STARD7: variants seen among roughly 807,000 people sequenced by gnomAD.
STARD7 encodes StAR related lipid transfer domain containing 7, also known as stAR-related lipid transfer protein 7, mitochondrial.
A neutral mutation model predicts 45.3 loss-of-function variants in STARD7; 30 were observed. The observed-to-expected ratio is 0.66, with a 90% CI of 0.50 to 0.90. The LOEUF (loss-of-function observed/expected upper bound fraction) is 0.90. STARD7 is among the 40% of genes least tolerant of loss of function. The probability of loss-of-function intolerance (pLI) is 0.00; values close to 1 mark genes in which losing one functional copy is unlikely to be tolerated. For missense variants in STARD7, 495 were observed against 491.3 expected, an observed-to-expected ratio of 1.01 and a Z score of -0.07; for synonymous variants, 199 against 183.0, an observed-to-expected ratio of 1.09 and a Z score of -0.70.
chr2:96,191,724 A>G (rs1683128706), intron 6 of STARD7, among the ~76,000 whole-genome samples: 1 of 152,036 alleles, frequency 6.6e-6, no homozygotes, highest in Non-Finnish European at 1.5e-5. Context: ...ACTTGATGAG[A>G]ATAAGAAAAC....
At chr2:96,195,271 A>T in intron 2 of STARD7, 70 bp downstream of exon 2, 1 of 1,324,640 alleles carries the variant, frequency 7.5e-7, no homozygotes, top group Non-Finnish European at 1.1e-6. Context: ...AGTTTAGAGA[A>T]GTATGAAGAA....
intron 1 of STARD7, among the ~76,000 whole-genome samples, chr2:96,199,624 T>C (rs894150220): frequency 1.3e-5 from 2 of 152,228 alleles, no homozygotes; most frequent in Non-Finnish European, 1.5e-5. Flanking sequence ...TTTTATTTCT[T>C]CTTTCCAATC....
chr2:96,190,787 C>A (rs1241492129), intron 6 of STARD7, among the ~76,000 whole-genome samples: 1 of 152,098 alleles, frequency 6.6e-6, no homozygotes, highest in Non-Finnish European at 1.5e-5. Context: ...GGACTACAGG[C>A]ACATATCACC....
intron 1 of STARD7, among the ~76,000 whole-genome samples, chr2:96,205,287 A>G (rs1683371233): frequency 6.6e-6 from 1 of 152,244 alleles, no homozygotes. Context: ...GATGTTCTTA[A>G]GCACAAAAGA....
At position 96,208,538 on chromosome 2, in the gene STARD7, C is replaced by T. The variant is rs969487910; in HGVS notation, c.-104G>A. On this transcript the variant is annotated 5_prime_UTR_variant, in exon 1 of 8. Transcript: ENST00000337288. ...GTCCCCCTAAATGGCCGGCCACGAA[C>T]CCGTCTCACGGTCCCGCGGCCAGGA... The T allele has an allele frequency of 1.8e-5, 19 of 1,068,070 alleles. No homozygotes were observed. The African/African-American group carries it at 2.7e-4, about 15-fold the overall frequency. 66.2% of individuals were successfully genotyped at this position (1,068,070 alleles called of 1,614,324 possible).
At chr2:96,194,273 A>G (rs1209330279) in intron 3 of STARD7, among the ~76,000 whole-genome samples, 2 of 152,098 alleles carry the variant, frequency 1.3e-5, no homozygotes, top group African/African-American at 2.4e-5. Context: ...GGATCACTTG[A>G]GTCCAGGAAA....
In STARD7 at chr2:96,208,644, G is replaced by A. The variant is rs924918606; in HGVS notation, c.-210C>T. The A allele has an allele frequency of 2.1e-6, 1 of 470,274 alleles. No homozygotes were observed. The allele number at this position is 470,274 out of a possible 1,614,324, so 29.1% of individuals were successfully genotyped here. ...AGAGTCGGTCATGGCAGCAGACGCCGGGATGGCTCCGCGACTGCTACACCA... is the reference window on the plus strand; with the variant it reads ...AGAGTCGGTCATGGCAGCAGACGCCAGGATGGCTCCGCGACTGCTACACCA... On this transcript the variant is annotated 5_prime_UTR_variant, in exon 1 of 8. Coordinates refer to ENST00000337288, the MANE Select transcript of STARD7 (RefSeq NM_020151.4).
intron 6 of STARD7, chr2:96,188,266 C>CTTTTTT (rs138935587): frequency 1.1e-4 from 6 of 56,810 alleles, no homozygotes; most frequent in Admixed American, 3.3e-4. Context: ...CAGACCAAGA[C>CTTTTTT]TTTTTTTTTT....
intron 1 of STARD7, among the ~76,000 whole-genome samples, chr2:96,204,134 G>T (rs891873831): frequency 6.6e-6 from 1 of 151,770 alleles, no homozygotes; most frequent in African/African-American, 2.4e-5. Flanking sequence ...TGGCACCCCC[G>T]CTGTAGACCC....
intron 1 of STARD7, among the ~76,000 whole-genome samples, chr2:96,201,799 T>A (rs900662648): frequency 2.6e-5 from 4 of 152,040 alleles, no homozygotes; most frequent in African/African-American, 9.7e-5. Context: ...GTCTCAAAAA[T>A]ATATATATAT....
At chr2:96,198,113 T>C (rs2104194558) in intron 1 of STARD7, among the ~76,000 whole-genome samples, 1 of 152,106 alleles carries the variant, frequency 6.6e-6, no homozygotes, top group South Asian at 2.1e-4. Context: ...ACTCTGAGGT[T>C]GAGTTCGAGA....
chr2:96,199,481 C>A (rs188541753), intron 1 of STARD7, among the ~76,000 whole-genome samples: 1 of 152,282 alleles, frequency 6.6e-6, no homozygotes, highest in Admixed American at 6.5e-5. Context: ...TGTTAGTGTA[C>A]ATAAACATGA....
chr2:96,208,223 T>C lies in STARD7; in HGVS notation c.212A>G (p.His71Arg), dbSNP rs761430971. 3.1e-6 allele frequency: 5 copies of C among 1,612,550 alleles called. No individual in the cohort carries two copies. The highest frequency in any genetic ancestry group is 1.7e-5 in the Admixed American group (1 of 59,968). Residue 71 changes from histidine (H) to arginine (R), a missense_variant, in exon 1 of 8, where the codon CAT becomes CGT. His to Arg is a conservative substitution (Grantham distance 29). Transcript: ENST00000337288. Reference sequence around the variant, plus strand: ...TAACGCCGCCATCAAGGCAGAGGCATGGCCAGGACGGCCGTGCAGCCGGCG... The same window carrying C: ...TAACGCCGCCATCAAGGCAGAGGCACGGCCAGGACGGCCGTGCAGCCGGCG... ...LWRRLHGRPGHASALMAALAG... is the reference protein window; with the variant it reads ...LWRRLHGRPGRASALMAALAG...
chr2:96,194,036 G>C (rs773616509), intron 3 of STARD7, among the ~76,000 whole-genome samples: 1 of 152,194 alleles, frequency 6.6e-6, no homozygotes, highest in Non-Finnish European at 1.5e-5. Flanking sequence ...GAGGAAAGCA[G>C]TCTTTGAACA....
At chr2:96,193,440 A>G (rs1294241926) in intron 3 of STARD7, 88 bp from the exon 4 acceptor site, 1 of 844,540 alleles carries the variant, frequency 1.2e-6, no homozygotes, top group African/African-American at 1.7e-5. Context: ...CTCTGATCCA[A>G]GAATCTTATT....
At chr2:96,202,456 A>AT (rs1378317601) in intron 1 of STARD7, among the ~76,000 whole-genome samples, 1 of 152,232 alleles carries the variant, frequency 6.6e-6, no homozygotes, top group Admixed American at 6.5e-5. Flanking sequence ...GACCAGCTGC[A>AT]AAACCATAGA....
intron 1 of STARD7, among the ~76,000 whole-genome samples, chr2:96,203,553 C>A (rs59664047): frequency 0.14 from 21,533 of 152,188 alleles, 1,747 homozygotes; most frequent in South Asian, 0.24. Context: ...TGAAACCATC[C>A]CTACAATTAG....
Position 96,194,939 on chromosome 2 carries a change from G to T in STARD7, c.549+19C>A. On this transcript the variant is annotated intron_variant, in intron 3 of 7. Transcript: ENST00000337288. ...GATATGCTAGGAGGCTCCAAATCTG[G>T]AGAGAAAAATTAACTCACCTGAACA... The T allele has an allele frequency of 6.2e-7, 1 of 1,602,838 alleles. No homozygotes were observed. Among genetic ancestry groups the T allele is most frequent in the South Asian group, 1.1e-5 (1 of 88,638 alleles).
intron 5 of STARD7, 87 bp downstream of exon 5, chr2:96,192,991 G>C: frequency 1.1e-6 from 1 of 940,074 alleles, no homozygotes; most frequent in Non-Finnish European, 1.7e-6. Context: ...AGACTCATAG[G>C]ACACTAAGAA....
Sources: allele counts gnomAD v4.1 joint callset (sites outside exome capture counted in the v4.1 genomes callset), GRCh38; gene constraint gnomAD v4.1.1; transcripts MANE v1.5; gene names NCBI Gene and HGNC (gene_info 2026-07-23, HGNC 2026-07-21).